The following ANKRD11 variants were observed in gnomAD, a reference collection of about 807,000 sequenced individuals.
ANKRD11 encodes ankyrin repeat domain-containing protein 11.
Under a neutral mutation model 195.7 loss-of-function variants are expected in ANKRD11, and 17 were observed. The ratio of observed to expected loss-of-function variants is 0.09; its 90% confidence interval spans 0.06 to 0.13. The LOEUF (loss-of-function observed/expected upper bound fraction) is 0.13. ANKRD11 is among the 10% of genes least tolerant of loss of function. The pLI is 1.00. For synonymous variants in ANKRD11, 1,953 were observed against 1,528.1 expected (o/e 1.28, Z -6.49); for missense variants, 3,735 against 3,566.1 (o/e 1.05, Z -1.21).
chr16:89,280,615 C>G lies in ANKRD11; in HGVS notation c.5927G>C (p.Gly1976Ala). The G allele has an allele frequency of 6.2e-7, 1 of 1,613,482 alleles. No homozygotes were observed. The highest frequency in any genetic ancestry group is 8.5e-7 in the Non-Finnish European group (1 of 1,179,940). ...TGGAGACTTCAGCAGGAGGTCCGAG[C>G]CCACAGGCCAGCTCACAGGGTTTTC... Reference protein sequence around the residue: ...TSENPVSWPVGSDLLLKSPQR... With the variant: ...TSENPVSWPVASDLLLKSPQR... The change falls in exon 9 of 13, where the codon GGC becomes GCC. Residue 1976 changes from glycine (G) to alanine (A), a missense_variant. Physicochemically the swap from Gly to Ala is moderately conservative, Grantham distance 60. Coordinates refer to ENST00000301030, the MANE Select transcript of ANKRD11 (RefSeq NM_013275.6).
intron 1 of ANKRD11, among the ~76,000 whole-genome samples, chr16:89,457,181 G>A (rs372956938): frequency 2.7e-5 from 4 of 150,474 alleles, no homozygotes; most frequent in Non-Finnish European, 4.5e-5. Flanking sequence ...GGATGGTCTC[G>A]ATCTCCTGAC....
Position 89,490,553 on chromosome 16 carries a change from G to T in ANKRD11, c.-453C>A. 1 of 424,974 alleles carries T rather than the reference G, an allele frequency of 2.4e-6. No individual in the cohort carries two copies. 26.3% of individuals were successfully genotyped at this position (424,974 alleles called of 1,614,324 possible). The stretch of plus-strand genomic sequence containing the variant: ...TCGGTCCATCGCGCACCGTCTCAGG[G>T]CGGCCTCTGGCTCCAGGACCCAGCG... On this transcript the variant is annotated 5_prime_UTR_variant, in exon 1 of 13. Coordinates refer to ENST00000301030, the MANE Select transcript of ANKRD11 (RefSeq NM_013275.6).
rs949550430 is a variant in ANKRD11, at chr16:89,398,744, C to CA, written c.-60+19539dup. On this transcript the variant is annotated intron_variant, in intron 2 of 12. Transcript: ENST00000301030. ...CAGTGACAGAGAGAGATTGTGTGTCCAAAAAAAAAAATCCCAATACACTGT... is the reference window on the plus strand; with the variant it reads ...CAGTGACAGAGAGAGATTGTGTGTCCAAAAAAAAAAAATCCCAATACACTGT... Among the ~76,000 whole-genome samples, 188 of 144,318 alleles carry CA rather than the reference C, an allele frequency of 1.3e-3. 1 individual carries two copies. The highest frequency in any genetic ancestry group is 3.7e-3 in the African/African-American group (148 of 39,500). 94.7% of individuals were successfully genotyped at this position (144,318 alleles called of 152,430 possible). A position where few individuals can be genotyped will look rare whatever the true frequency, so the allele number is the denominator to read the frequency against.
intron 2 of ANKRD11, among the ~76,000 whole-genome samples, chr16:89,349,238 C>T (rs1483996948): frequency 6.8e-6 from 1 of 146,226 alleles, no homozygotes; most frequent in Non-Finnish European, 1.5e-5. Context: ...ACAGAAAAGA[C>T]CAAAAACAGG....
chr16:89,442,736 A>C (rs2043577554), intron 1 of ANKRD11, among the ~76,000 whole-genome samples: 1 of 152,088 alleles, frequency 6.6e-6, no homozygotes, highest in Non-Finnish European at 1.5e-5. Flanking sequence ...CCAGACACGC[A>C]CAGCAAGGTT....
intron 2 of ANKRD11, among the ~76,000 whole-genome samples, chr16:89,381,578 C>T (rs2040657762): frequency 6.6e-6 from 1 of 152,186 alleles, no homozygotes; most frequent in Non-Finnish European, 1.5e-5. Flanking sequence ...AAGTAACTTA[C>T]ATGCGATGAT....
chr16:89,415,645 C>A (rs945891591), intron 2 of ANKRD11, among the ~76,000 whole-genome samples: 2 of 150,960 alleles, frequency 1.3e-5, no homozygotes, highest in African/African-American at 4.9e-5. Context: ...CTGGCCAACA[C>A]AGTGAAACCC....
chr16:89,413,364 G>A (rs1168566705), intron 2 of ANKRD11, among the ~76,000 whole-genome samples: 3 of 152,236 alleles, frequency 2.0e-5, no homozygotes, highest in South Asian at 2.1e-4. Context: ...AGTGGCTCAC[G>A]CCTGTAATCC....
chr16:89,490,533 C>G lies in ANKRD11; in HGVS notation c.-433G>C. 1 of 463,034 alleles carries G rather than the reference C, an allele frequency of 2.2e-6. No homozygotes were observed. Among genetic ancestry groups the G allele is most frequent in the Admixed American group, 3.6e-5 (1 of 28,066 alleles). The allele number at this position is 463,034 out of a possible 1,614,324, so 28.7% of individuals were successfully genotyped here. A position where few individuals can be genotyped will look rare whatever the true frequency, so the allele number is the denominator to read the frequency against. ...CGCCTCCCCGGCTGGGGCCCTCGGT[C>G]CATCGCGCACCGTCTCAGGGCGGCC... On this transcript the variant is annotated 5_prime_UTR_variant, in exon 1 of 13. Coordinates refer to ENST00000301030, the MANE Select transcript of ANKRD11 (RefSeq NM_013275.6).
Position 89,305,336 on chromosome 16 carries a change from A to C in ANKRD11, c.96T>G (p.Asp32Glu), listed in dbSNP as rs954705947. Residue 32 changes from aspartate to glutamate, a missense_variant, in exon 4 of 13, where the codon GAT (aspartate) becomes GAG (glutamate). By Grantham distance (45) the Asp-to-Glu change is conservative. Coordinates refer to ENST00000301030, the MANE Select transcript of ANKRD11 (RefSeq NM_013275.6). ...TTGGGGTCTTGGTTAGAGAAACTTT[A>C]TCTTTATCCTAGAAAAGAAAGGGAT... ...VEKQTGKKDKDKVSLTKTPKL... is the reference protein window; with the variant it reads ...VEKQTGKKDKEKVSLTKTPKL... 9.3e-6 allele frequency: 15 copies of C among 1,613,808 alleles called. No individual in the cohort carries two copies. The highest frequency in any genetic ancestry group is 1.2e-5 in the Non-Finnish European group (14 of 1,179,904).
chr16:89,289,671 C>G (rs1219149719), intron 6 of ANKRD11, among the ~76,000 whole-genome samples: 1 of 152,134 alleles, frequency 6.6e-6, no homozygotes, highest in African/African-American at 2.4e-5. Context: ...GCTAGACACA[C>G]CAGGGACAGG....
chr16:89,435,742 C>G (rs1446990351), intron 1 of ANKRD11, among the ~76,000 whole-genome samples: 2 of 151,716 alleles, frequency 1.3e-5, no homozygotes, highest in African/African-American at 4.8e-5. Flanking sequence ...CCAAGACCAA[C>G]TGACTGTCCA....
At chr16:89,353,868 C>T (rs577599528) in intron 2 of ANKRD11, among the ~76,000 whole-genome samples, 4 of 152,330 alleles carry the variant, frequency 2.6e-5, no homozygotes, top group Non-Finnish European at 5.9e-5. Flanking sequence ...ACACCCGAAA[C>T]AAGACAGAGC....
chr16:89,353,537 G>C (rs767053932), intron 2 of ANKRD11, among the ~76,000 whole-genome samples: 20 of 151,294 alleles, frequency 1.3e-4, no homozygotes, highest in Non-Finnish European at 2.2e-4. Flanking sequence ...GAGTACAGTG[G>C]TGCAATCTCG....
intron 4 of ANKRD11, chr16:89,298,760 A>G (rs1286966978): frequency 1.3e-5 from 2 of 152,228 alleles, no homozygotes; most frequent in Non-Finnish European, 2.9e-5. Context: ...TTAAACAGCA[A>G]GAACCTTCCC....
chr16:89,394,677 C>T (rs2041348533), intron 2 of ANKRD11, among the ~76,000 whole-genome samples: 1 of 151,160 alleles, frequency 6.6e-6, no homozygotes, highest in Non-Finnish European at 1.5e-5. Flanking sequence ...AGTGTATTTT[C>T]CACTCCTCGT....
intron 2 of ANKRD11, among the ~76,000 whole-genome samples, chr16:89,416,157 T>C (rs1471304508): frequency 6.6e-6 from 1 of 152,198 alleles, no homozygotes; most frequent in African/African-American, 2.4e-5. Flanking sequence ...ACATTTCCTA[T>C]GTCATCAAAC....
chr16:89,452,779 CAAAAAA>C (rs11401095), intron 1 of ANKRD11, among the ~76,000 whole-genome samples: 77 of 73,486 alleles, frequency 1.0e-3, no homozygotes, highest in South Asian at 2.9e-3. Context: ...GACTCTATCT[CAAAAAA>C]AAAAAAAAAA....
intron 2 of ANKRD11, among the ~76,000 whole-genome samples, chr16:89,417,840 C>A (rs993022964): frequency 1.3e-5 from 2 of 150,970 alleles, no homozygotes; most frequent in Non-Finnish European, 2.9e-5. Flanking sequence ...GACAACCAGG[C>A]AAGACCACCA....
Sources: gnomAD v4.1 joint callset for allele counts (sites outside exome capture counted in the v4.1 genomes callset) on GRCh38, gnomAD v4.1.1 for gene constraint, MANE v1.5 for transcripts, NCBI Gene and HGNC (gene_info 2026-07-23, HGNC 2026-07-21) for gene names.